Variants in TTC28 observed in about 807,000 individuals in gnomAD.
The protein encoded by TTC28 is tetratricopeptide repeat domain 28.
In TTC28, 61 loss-of-function variants were observed where a neutral mutation model predicts 198.0. That is an observed-to-expected ratio of 0.31 (90% CI 0.25 to 0.38). The LOEUF (loss-of-function observed/expected upper bound fraction) is 0.38, where lower values mean the gene tolerates loss of function less well. Among genes scored for constraint, TTC28 ranks in the 10% least tolerant of loss-of-function variants. TTC28 has a pLI of 1.00. For missense variants in TTC28, 2,678 were observed against 3,164.0 expected, an observed-to-expected ratio of 0.85 and a Z score of 3.69; for synonymous variants, 1,171 against 1,297.8, an observed-to-expected ratio of 0.90 and a Z score of 2.10.
At chr22:28,649,691 CA>C (rs1368255702) in intron 1 of TTC28, among the ~76,000 whole-genome samples, 1 of 152,142 alleles carries the variant, frequency 6.6e-6, no homozygotes, top group Admixed American at 6.5e-5. Context: ...GGTAAATAGC[CA>C]ACTTCTTTTA....
chr22:28,576,653 A>T (rs2146041569), intron 2 of TTC28, among the ~76,000 whole-genome samples: 1 of 152,154 alleles, frequency 6.6e-6, no homozygotes, highest in South Asian at 2.1e-4. Flanking sequence ...TTACAGCTTC[A>T]ATCTTGTTCC....
chr22:28,552,912 G>C (rs9613648), intron 2 of TTC28, among the ~76,000 whole-genome samples: 5 of 152,132 alleles, frequency 3.3e-5, no homozygotes, highest in South Asian at 2.1e-4. Context: ...TCAGCCTGTC[G>C]AGTGCCTGTG....
intron 2 of TTC28, among the ~76,000 whole-genome samples, chr22:28,432,021 C>T (rs1022818547): frequency 6.6e-6 from 1 of 151,588 alleles, no homozygotes; most frequent in East Asian, 1.9e-4. Context: ...CGCAGTGGCT[C>T]ATGCCTGTAA....
intron 2 of TTC28, among the ~76,000 whole-genome samples, chr22:28,375,501 ATTAT>A (rs750207685): frequency 6.6e-6 from 1 of 152,368 alleles, no homozygotes; most frequent in Non-Finnish European, 1.5e-5. Context: ...TGCCTTGTAC[ATTAT>A]TTAGAGTATT....
chr22:28,413,230 T>C (rs886929590), intron 2 of TTC28, among the ~76,000 whole-genome samples: 4 of 151,836 alleles, frequency 2.6e-5, no homozygotes, highest in African/African-American at 9.7e-5. Flanking sequence ...GGTCAAGAGA[T>C]CAAGACCATC....
chr22:28,169,526 T>C (rs1033624011), intron 5 of TTC28, among the ~76,000 whole-genome samples: 2 of 152,246 alleles, frequency 1.3e-5, no homozygotes, highest in African/African-American at 2.4e-5. Flanking sequence ...TGTAGGGACA[T>C]GGATGAAGCT....
intron 6 of TTC28, among the ~76,000 whole-genome samples, chr22:28,145,294 C>A (rs1393531581): frequency 2.0e-5 from 3 of 152,042 alleles, no homozygotes; most frequent in Non-Finnish European, 4.4e-5. Context: ...AAAACTGAGG[C>A]CCAGGAAAGT....
intron 2 of TTC28, among the ~76,000 whole-genome samples, chr22:28,405,571 G>A (rs73168171): frequency 6.6e-6 from 1 of 152,334 alleles, no homozygotes; most frequent in Non-Finnish European, 1.5e-5. Flanking sequence ...TAGTAATGGT[G>A]AGTAGGTCAG....
intron 11 of TTC28, 104 bp from the exon 12 acceptor site, chr22:28,094,349 C>T: frequency 8.0e-7 from 1 of 1,250,582 alleles, no homozygotes; most frequent in Non-Finnish European, 1.1e-6. Flanking sequence ...ACTTCTTTGA[C>T]AAGCATGCCA....
At chr22:28,592,177 G>A (rs1179225745) in intron 2 of TTC28, among the ~76,000 whole-genome samples, 7 of 152,170 alleles carry the variant, frequency 4.6e-5, no homozygotes, top group African/African-American at 1.7e-4. Flanking sequence ...CAGGGTCTAG[G>A]GGGCCTGCTG....
intron 2 of TTC28, among the ~76,000 whole-genome samples, chr22:28,404,370 G>C (rs750678039): frequency 6.6e-5 from 10 of 152,088 alleles, no homozygotes; most frequent in Admixed American, 1.3e-4. Flanking sequence ...CGCCCGCCTC[G>C]GCCTCCCAAA....
intron 6 of TTC28, among the ~76,000 whole-genome samples, chr22:28,139,163 C>T (rs965494176): frequency 6.6e-6 from 1 of 152,160 alleles, no homozygotes; most frequent in Non-Finnish European, 1.5e-5. Context: ...ATGCATTGTG[C>T]TGGAGGACAC....
At chr22:28,038,926 A>T (rs767951360) in intron 12 of TTC28, among the ~76,000 whole-genome samples, 2 of 152,234 alleles carry the variant, frequency 1.3e-5, no homozygotes, top group African/African-American at 2.4e-5. Context: ...AAAATGCTCA[A>T]CATCACTGGC....
At chr22:28,548,587 C>T (rs2049592640) in intron 2 of TTC28, among the ~76,000 whole-genome samples, 1 of 152,200 alleles carries the variant, frequency 6.6e-6, no homozygotes, top group African/African-American at 2.4e-5. Flanking sequence ...GTCAAACCAT[C>T]TGAGCAAATA....
At chr22:28,482,614 A>C (rs1341875818) in intron 2 of TTC28, among the ~76,000 whole-genome samples, 1 of 152,188 alleles carries the variant, frequency 6.6e-6, no homozygotes, top group Non-Finnish European at 1.5e-5. Flanking sequence ...AAAGTGAACA[A>C]CTGAATGGCA....
At chr22:28,348,497 C>T (rs2045944468) in intron 2 of TTC28, among the ~76,000 whole-genome samples, 1 of 152,120 alleles carries the variant, frequency 6.6e-6, no homozygotes, top group African/African-American at 2.4e-5. Flanking sequence ...ATAAAGCATA[C>T]AGATTTTATA....
intron 2 of TTC28, among the ~76,000 whole-genome samples, chr22:28,468,661 C>CT (rs1462297760): frequency 6.6e-6 from 1 of 150,592 alleles, no homozygotes; most frequent in African/African-American, 2.4e-5. Flanking sequence ...GTAGCTGGGA[C>CT]TACAGGTGCC....
intron 12 of TTC28, among the ~76,000 whole-genome samples, chr22:28,093,518 T>C (rs914069785): frequency 1.3e-5 from 2 of 152,228 alleles, no homozygotes; most frequent in Admixed American, 1.3e-4. Flanking sequence ...ATTTTTTTCA[T>C]ATGTAAAATA....
chr22:28,560,623 A>G (rs946490761), intron 2 of TTC28, among the ~76,000 whole-genome samples: 2 of 151,874 alleles, frequency 1.3e-5, no homozygotes, highest in Admixed American at 6.6e-5. Flanking sequence ...TCTTCATATG[A>G]CTCACTTCCT....
Sources: allele counts gnomAD v4.1 joint callset (sites outside exome capture counted in the v4.1 genomes callset), GRCh38; gene constraint gnomAD v4.1.1; transcripts MANE v1.5; gene names NCBI Gene and HGNC (gene_info 2026-07-23, HGNC 2026-07-21).